The following EIF2AK3 variants were observed in gnomAD, a reference collection of about 807,000 sequenced individuals.
The protein encoded by EIF2AK3 is eukaryotic translation initiation factor 2-alpha kinase 3.
EIF2AK3 carries 50 observed loss-of-function variants against 113.5 expected under a neutral mutation model. That is an observed-to-expected ratio of 0.44 (90% CI 0.35 to 0.56). The LOEUF (loss-of-function observed/expected upper bound fraction) is 0.56, where lower values mean the gene tolerates loss of function less well. Ranked by LOEUF, EIF2AK3 falls within the 20% of genes least tolerant of loss-of-function variation. The pLI, the probability that EIF2AK3 is intolerant of heterozygous loss-of-function variation, is 0.00. For synonymous variants in EIF2AK3, 448 were observed against 495.4 expected (o/e 0.90, Z 1.27); for missense variants, 1,185 against 1,378.0 (o/e 0.86, Z 2.22).
In EIF2AK3 at chr2:88,626,883, C is replaced by G. The variant is rs561400844; in HGVS notation, c.308+84G>C. ...GCCGAGGGAAGACGCCCGCCCGGGTCCCGGATCTCCGCCCCCCTACACCGC... is the reference window on the plus strand; with the variant it reads ...GCCGAGGGAAGACGCCCGCCCGGGTGCCGGATCTCCGCCCCCCTACACCGC... On this transcript the variant is annotated intron_variant, in intron 1 of 16. Transcript: ENST00000303236. 23 of 1,542,874 alleles carry G rather than the reference C, an allele frequency of 1.5e-5. No individual in the cohort carries two copies. In the East Asian group the frequency reaches 4.7e-4, roughly 31 times the overall value.
intron 2 of EIF2AK3, among the ~76,000 whole-genome samples, chr2:88,596,055 TTATGTGTAA>T (rs746114965): frequency 7.2e-5 from 11 of 152,192 alleles, no homozygotes; most frequent in African/African-American, 2.4e-4. Context: ...TGTAACATGA[TTATGTGTAA>T]TATGTGTAAT....
intron 12 of EIF2AK3, 96 bp from the exon 13 acceptor site, chr2:88,575,542 A>C: frequency 7.6e-7 from 1 of 1,310,012 alleles, no homozygotes. Context: ...AACTGTAATA[A>C]GGCCACTTAC....
chr2:88,557,746 G>A lies in EIF2AK3; in HGVS notation c.3341C>T (p.Pro1114Leu), dbSNP rs776812138. 10 of 1,614,106 alleles carry A rather than the reference G, an allele frequency of 6.2e-6. No homozygotes were observed. The highest frequency in any genetic ancestry group is 1.7e-5 in the Admixed American group (1 of 60,022). The change falls in exon 17 of 17, where the codon CCA becomes CTA. Residue 1114 changes from proline (P) to leucine (L), a missense_variant. Physicochemically the swap from Pro to Leu is moderately conservative, Grantham distance 98. Coordinates refer to ENST00000303236, the MANE Select transcript of EIF2AK3 (RefSeq NM_004836.7). ...TAGCACAACTTAAGGCTAATTGCTT[G>A]GCAAAGGGCTATGGGAGTTGTTGGA... ...RQSNNSHSPL[P>L]SN is the part of the protein sequence containing the mutation.
chr2:88,603,222 A>G (rs188931440), intron 2 of EIF2AK3, among the ~76,000 whole-genome samples: 1 of 152,348 alleles, frequency 6.6e-6, no homozygotes, highest in Admixed American at 6.5e-5. Flanking sequence ...GACCTCGGAT[A>G]AAAACGAACA....
Position 88,557,796 on chromosome 2 carries a change from T to C in EIF2AK3, c.3291A>G (p.Ser1097=), listed in dbSNP as rs10208681. ...ACTGTCTTGAATGTTTTGTTCCCGA[T>C]GAACTCAAGGAGCGAGACCTCTGTC... is the stretch of plus-strand genomic sequence containing the variant. ...VLRQRSRSLS[S]SGTKHSRQSN... The change falls in exon 17 of 17, where the codon TCA becomes TCG. Residue 1097 remains serine, a synonymous_variant. Transcript: ENST00000303236. 9.1e-4 allele frequency: 1,466 copies of C among 1,614,172 alleles called. 17 individuals carry two copies. In the African/African-American group the frequency reaches 0.018, roughly 19 times the overall value.
intron 16 of EIF2AK3, among the ~76,000 whole-genome samples, 175 bp downstream of exon 16, chr2:88,558,742 C>G (rs1263434189): frequency 1.3e-5 from 2 of 152,212 alleles, no homozygotes; most frequent in African/African-American, 2.4e-5. Flanking sequence ...AGGAGCCAGG[C>G]CCCAGCTCCA....
intron 15 of EIF2AK3, among the ~76,000 whole-genome samples, chr2:88,559,701 T>G (rs1173396534): frequency 6.6e-6 from 1 of 152,180 alleles, no homozygotes; most frequent in Non-Finnish European, 1.5e-5. Context: ...TCATAAAAAC[T>G]GAATGATATA....
chr2:88,613,923 A>G, intron 1 of EIF2AK3, 70 bp from the exon 2 acceptor site: 1 of 1,431,902 alleles, frequency 7.0e-7, no homozygotes, highest in African/African-American at 1.4e-5. Context: ...CCACATGCTC[A>G]AAAGAAAACC....
At chr2:88,588,333 T>TA (rs551622077) in intron 7 of EIF2AK3, among the ~76,000 whole-genome samples, 37 of 152,250 alleles carry the variant, frequency 2.4e-4, no homozygotes, top group African/African-American at 8.4e-4. Flanking sequence ...ACATATGTAG[T>TA]AAAAAACACG....
intron 1 of EIF2AK3, among the ~76,000 whole-genome samples, chr2:88,615,751 A>C (rs190938386): frequency 1.3e-5 from 2 of 152,270 alleles, no homozygotes; most frequent in Admixed American, 1.3e-4. Flanking sequence ...CAAGCATCCA[A>C]TCTACTTCTT....
At chr2:88,561,325 G>A (rs188279217) in intron 15 of EIF2AK3, among the ~76,000 whole-genome samples, 1 of 150,734 alleles carries the variant, frequency 6.6e-6, no homozygotes, top group Non-Finnish European at 1.5e-5. Context: ...GCAGTGGCGC[G>A]ATCTCTGCTC....
rs759288815 is a variant in EIF2AK3 at position 88,575,087 on chromosome 2, C to T, written c.2396G>A (p.Arg799Lys). Residue 799 changes from arginine to lysine, a missense_variant, in exon 13 of 17, where the codon AGG (arginine) becomes AAG (lysine). Physicochemically the swap from Arg to Lys is conservative, Grantham distance 26 (BLOSUM62 2). Around this residue, in one of 3 missense-constraint regions of EIF2AK3, gnomAD observed 877 missense variants for 1,024.2 expected, o/e 0.86. Transcript: ENST00000303236. ...TACTATTGAAGAGGAGGTTCTCTCC[C>T]TTGACCTTACATAAGGAGAAGCTTC... ...PSEASPYVRS[R>K]ERTSSSIVFE... The T allele has an allele frequency of 1.2e-5, 20 of 1,614,054 alleles. No homozygotes were observed. Among genetic ancestry groups the T allele is most frequent in the Non-Finnish European group, 1.7e-5 (20 of 1,180,030 alleles).
At chr2:88,576,463 TA>T (rs367967741) in intron 12 of EIF2AK3, 90 bp downstream of exon 12, 98,624 of 1,005,956 alleles carry the variant, frequency 0.098, 265 homozygotes, top group Admixed American at 0.13. Context: ...TCCTTTTCTT[TA>T]AAAAAAAAAA....
chr2:88,585,348 C>T (rs183952676), intron 9 of EIF2AK3, among the ~76,000 whole-genome samples: 151 of 151,760 alleles, frequency 9.9e-4, no homozygotes, highest in East Asian at 7.5e-3. Flanking sequence ...GAAATGAGGA[C>T]AGTCTGAGAT....
chr2:88,581,022 T>C (rs538734884), intron 10 of EIF2AK3, among the ~76,000 whole-genome samples: 61 of 152,258 alleles, frequency 4.0e-4, no homozygotes, highest in Admixed American at 3.5e-3. Flanking sequence ...GATTATCTTC[T>C]AAAAAGAGTA....
chr2:88,565,125 C>G (rs567940558), intron 14 of EIF2AK3, among the ~76,000 whole-genome samples: 1 of 151,466 alleles, frequency 6.6e-6, no homozygotes, highest in Non-Finnish European at 1.5e-5. Flanking sequence ...CAACCTCCCC[C>G]TCCTGGGTTC....
At chr2:88,626,837 G>A in intron 1 of EIF2AK3, 130 bp downstream of exon 1, 5 of 1,280,212 alleles carry the variant, frequency 3.9e-6, no homozygotes, top group Non-Finnish European at 5.3e-6. Context: ...CTCGTCCCCA[G>A]GTCGCCAGCT....
intron 1 of EIF2AK3, among the ~76,000 whole-genome samples, chr2:88,623,530 T>A (rs954760874): frequency 6.6e-6 from 1 of 152,162 alleles, no homozygotes; most frequent in African/African-American, 2.4e-5. Context: ...AAAATAAAGA[T>A]AATTCCACAC....
At chr2:88,592,509 A>G (rs777647364) in intron 4 of EIF2AK3, among the ~76,000 whole-genome samples, 88 of 152,292 alleles carry the variant, frequency 5.8e-4, no homozygotes, top group Non-Finnish European at 9.3e-4. Context: ...CATGCCTGTA[A>G]TCCTAGCACT....
Sources: gnomAD v4.1 joint callset for allele counts (sites outside exome capture counted in the v4.1 genomes callset) on GRCh38, gnomAD v4.1.1 for gene constraint, gnomAD v4.1.1 regional missense constraint, MANE v1.5 for transcripts, NCBI Gene and HGNC (gene_info 2026-07-23, HGNC 2026-07-21) for gene names.